Variants in TM2D1 observed in about 807,000 individuals in gnomAD.
The protein encoded by TM2D1 is TM2 domain containing 1.
Under a neutral mutation model 28.4 loss-of-function variants are expected in TM2D1, and 15 were observed. That is an observed-to-expected ratio of 0.53 (90% CI 0.35 to 0.81). The LOEUF is 0.81. Among genes scored for constraint, TM2D1 ranks in the 40% least tolerant of loss-of-function variants. TM2D1 has a pLI of 0.01. For synonymous variants in TM2D1, 93 were observed against 96.2 expected, an observed-to-expected ratio of 0.97 and a Z score of 0.20; for missense variants, 236 against 254.9, an observed-to-expected ratio of 0.93 and a Z score of 0.50.
At chr1:61,718,170 T>C (rs1352076893) in intron 2 of TM2D1, among the ~76,000 whole-genome samples, 1 of 151,794 alleles carries the variant, frequency 6.6e-6, no homozygotes, top group Non-Finnish European at 1.5e-5. Flanking sequence ...AATGCAAAAA[T>C]TAGCTGGGCG....
intron 4 of TM2D1, chr1:61,698,451 G>C (rs1644378686): frequency 6.6e-6 from 1 of 152,376 alleles, no homozygotes; most frequent in Non-Finnish European, 1.5e-5. Context: ...CCAGCTACTT[G>C]GGAGGCTGAG....
At chr1:61,702,296 G>A (rs1281236668) in intron 3 of TM2D1, among the ~76,000 whole-genome samples, 1 of 151,738 alleles carries the variant, frequency 6.6e-6, no homozygotes, top group Admixed American at 6.6e-5. Flanking sequence ...TGAAGAAAAA[G>A]AAACAAATGC....
chr1:61,691,953 A>G lies in TM2D1; in HGVS notation c.513+2744T>C, dbSNP rs1417537975. On this transcript the variant is annotated intron_variant, in intron 5 of 6. Transcript: ENST00000606498. ...AAAAAATATATATATATATATATAT[A>G]TATATATGTATATATATATGGCACA... 3.7e-5 allele frequency among the ~76,000 whole-genome samples: 5 copies of G among 135,626 alleles called. No individual in the cohort carries two copies. The East Asian group carries it at 1.1e-3, about 30-fold the overall frequency. 89.0% of individuals were successfully genotyped at this position (135,626 alleles called of 152,430 possible).
At chr1:61,715,003 G>A (rs79108746) in intron 2 of TM2D1, among the ~76,000 whole-genome samples, 5,698 of 152,258 alleles carry the variant, frequency 0.037, 314 homozygotes, top group African/African-American at 0.12. Context: ...TAGATACTCA[G>A]GAAAGACACC....
chr1:61,708,767 C>G (rs1407111569), intron 3 of TM2D1, among the ~76,000 whole-genome samples: 1 of 152,002 alleles, frequency 6.6e-6, no homozygotes, highest in Non-Finnish European at 1.5e-5. Context: ...ACTAACTGAC[C>G]TGAATTAACA....
At chr1:61,724,270 T>C (rs6662941) in intron 1 of TM2D1, 20,467 of 152,322 alleles carry the variant, frequency 0.13, 1,745 homozygotes, top group Non-Finnish European at 0.19. Context: ...CCGTCTCTAC[T>C]AAAAATACAA....
chr1:61,701,310 C>CAAAAAAAAAA (rs10587870), intron 3 of TM2D1, among the ~76,000 whole-genome samples: 21 of 84,062 alleles, frequency 2.5e-4, no homozygotes, highest in East Asian at 4.2e-4. Flanking sequence ...TAAATGTTAA[C>CAAAAAAAAAA]AAAAAAAAAA....
chr1:61,717,441 G>A (rs1020271597), intron 2 of TM2D1, among the ~76,000 whole-genome samples: 11 of 151,996 alleles, frequency 7.2e-5, no homozygotes, highest in Admixed American at 5.2e-4. Context: ...CTATAAGCCT[G>A]AAAACTATTC....
rs1557539327 is a variant in TM2D1, at chr1:61,716,461, A to ATATAATTATATATAATTTTATATACG, written c.239-7025_239-7024insCGTATATAAAATTATATATAATTATA. The stretch of plus-strand genomic sequence containing the variant: ...TATAATTATATATAATTTTATATAC[A>ATATAATTATATATAATTTTATATACG]TATATAATTATATATAATTTTATAT... On this transcript the variant is annotated intron_variant, in intron 2 of 6. Coordinates refer to ENST00000606498, the MANE Select transcript of TM2D1 (RefSeq NM_032027.3). Among the ~76,000 whole-genome samples, 20 of 144,924 alleles carry ATATAATTATATATAATTTTATATACG rather than the reference A, an allele frequency of 1.4e-4. No homozygotes were observed. In the South Asian group the frequency reaches 2.5e-3, roughly 18 times the overall value.
At chr1:61,685,056 C>T (rs1000121072) in intron 5 of TM2D1, among the ~76,000 whole-genome samples, 2 of 152,198 alleles carry the variant, frequency 1.3e-5, no homozygotes, top group South Asian at 2.1e-4. Context: ...CTGCCTGCTT[C>T]GGCCTCCCAA....
Position 61,713,475 on chromosome 1 carries a change from C to T in TM2D1, c.239-4038G>A, listed in dbSNP as rs1417579923. On this transcript the variant is annotated intron_variant, in intron 2 of 6. Transcript: ENST00000606498. ...GCCTGGGTAAGAGGACAAGACCCCC[C>T]GCAACTCAAAAACAAAAAAAAAAAA... Among the ~76,000 whole-genome samples, 7 of 138,138 alleles carry T rather than the reference C, an allele frequency of 5.1e-5. No individual in the cohort carries two copies. In the East Asian group the frequency reaches 1.2e-3, roughly 24 times the overall value. 90.6% of individuals were successfully genotyped at this position (138,138 alleles called of 152,430 possible).
chr1:61,714,117 G>A (rs796869697), intron 2 of TM2D1, among the ~76,000 whole-genome samples: 39 of 145,382 alleles, frequency 2.7e-4, no homozygotes, highest in African/African-American at 9.0e-4. Context: ...GGATGGTCTC[G>A]ATCTCCTGAC....
In TM2D1 at chr1:61,704,426, G is replaced by GT. The variant is rs1317551013; in HGVS notation, c.348-3402dup. 2.0e-5 allele frequency among the ~76,000 whole-genome samples: 3 copies of GT among 151,604 alleles called. No individual in the cohort carries two copies. In the East Asian group the frequency reaches 5.8e-4, roughly 29 times the overall value. ...AAAAAGAAAGTTTTTTTGGTTTTTT[G>GT]TTTTGTTTTGTTTTGTTTTTTTGAG... On this transcript the variant is annotated intron_variant, in intron 3 of 6. Transcript: ENST00000606498.
Position 61,681,162 on chromosome 1 carries a change from G to A in TM2D1, c.*208C>T, listed in dbSNP as rs371977020. The A allele has an allele frequency of 3.9e-5, 6 of 153,518 alleles. No individual in the cohort carries two copies. The highest frequency in any genetic ancestry group is 2.0e-4 in the Admixed American group (3 of 15,286). 9.5% of individuals were successfully genotyped at this position (153,518 alleles called of 1,614,324 possible). On this transcript the variant is annotated 3_prime_UTR_variant, in exon 7 of 7. Coordinates refer to ENST00000606498, the MANE Select transcript of TM2D1 (RefSeq NM_032027.3). ...CTATCTCTCATAGAGACAGAAGCCC[G>A]AGAAACACTATTATACAGCTTTCAA... is the stretch of plus-strand genomic sequence containing the variant.
chr1:61,700,169 T>G (rs753084845), intron 4 of TM2D1: 9 of 1,522,558 alleles, frequency 5.9e-6, no homozygotes, highest in Non-Finnish European at 6.2e-6. Context: ...TCGTGACAAT[T>G]TTCCTATCCA....
At chr1:61,688,525 C>G (rs1349674952) in intron 5 of TM2D1, among the ~76,000 whole-genome samples, 1 of 152,112 alleles carries the variant, frequency 6.6e-6, no homozygotes, top group African/African-American at 2.4e-5. Context: ...GAGATCGAGA[C>G]CATCCTGGCC....
At chr1:61,716,989 T>C (rs1256512645) in intron 2 of TM2D1, among the ~76,000 whole-genome samples, 1 of 152,176 alleles carries the variant, frequency 6.6e-6, no homozygotes, top group East Asian at 1.9e-4. Context: ...TATATCATAA[T>C]TATCCCATGC....
At chr1:61,718,792 A>G (rs1403087473) in intron 2 of TM2D1, among the ~76,000 whole-genome samples, 1 of 152,196 alleles carries the variant, frequency 6.6e-6, no homozygotes, top group African/African-American at 2.4e-5. Context: ...GGAACATTCT[A>G]TTAAAATAAA....
intron 4 of TM2D1, chr1:61,697,579 A>G (rs1644372944): frequency 1.3e-5 from 2 of 152,216 alleles, no homozygotes; most frequent in African/African-American, 4.8e-5. Flanking sequence ...CCTAAATGAC[A>G]TGCAATGACA....
Sources: gnomAD v4.1 joint callset for allele counts (sites outside exome capture counted in the v4.1 genomes callset) on GRCh38, gnomAD v4.1.1 for gene constraint, MANE v1.5 for transcripts, NCBI Gene and HGNC (gene_info 2026-07-23, HGNC 2026-07-21) for gene names.